The following SAMD12 variants were observed in gnomAD, a reference collection of about 807,000 sequenced individuals.
SAMD12 encodes the protein sterile alpha motif domain containing 12.
SAMD12 carries 9 observed loss-of-function variants against 15.0 expected under a neutral mutation model. The observed-to-expected ratio is 0.60, with a 90% CI of 0.36 to 1.05. The LOEUF (loss-of-function observed/expected upper bound fraction) is 1.05. Ranked by LOEUF, SAMD12 falls within the 50% of genes least tolerant of loss-of-function variation. SAMD12 has a pLI of 0.01. For missense variants in SAMD12, 230 were observed against 234.2 expected (o/e 0.98, Z 0.12); for synonymous variants, 86 against 90.1 (o/e 0.96, Z 0.25).
At chr8:118,486,658 G>C (rs928908150) in intron 2 of SAMD12, among the ~76,000 whole-genome samples, 1 of 152,114 alleles carries the variant, frequency 6.6e-6, no homozygotes, top group African/African-American at 2.4e-5. Context: ...TATGCACACA[G>C]AACTATAATA....
chr8:118,164,417 A>G, the SAMD12 span, among the ~76,000 whole-genome samples: 2 of 152,154 alleles, frequency 1.3e-5, no homozygotes, highest in Admixed American at 1.3e-4. Context: ...GTGTCATCCA[A>G]CACTAGTGCT....
At chr8:118,435,901 T>C (rs1822563524) in intron 3 of SAMD12, among the ~76,000 whole-genome samples, 1 of 152,144 alleles carries the variant, frequency 6.6e-6, no homozygotes, top group Non-Finnish European at 1.5e-5. Context: ...CAATTATAGA[T>C]CAGGAAGACT....
chr8:118,549,402 C>G (rs1033526023), intron 2 of SAMD12, among the ~76,000 whole-genome samples: 5 of 152,230 alleles, frequency 3.3e-5, no homozygotes, highest in Non-Finnish European at 5.9e-5. Flanking sequence ...GACACCGCTG[C>G]TGATAACCAG....
At chr8:118,499,426 A>AC (rs1344464420) in intron 2 of SAMD12, among the ~76,000 whole-genome samples, 1 of 152,204 alleles carries the variant, frequency 6.6e-6, no homozygotes, top group Non-Finnish European at 1.5e-5. Context: ...AGGACAATTA[A>AC]CCTGACCTAT....
At chr8:118,618,534 C>A (rs888692283) in intron 1 of SAMD12, among the ~76,000 whole-genome samples, 1 of 152,100 alleles carries the variant, frequency 6.6e-6, no homozygotes, top group Admixed American at 6.6e-5. Flanking sequence ...TAGAAGCCCT[C>A]TCCTTTATTT....
At chr8:118,615,055 G>A (rs1215494525) in intron 1 of SAMD12, among the ~76,000 whole-genome samples, 1 of 152,186 alleles carries the variant, frequency 6.6e-6, no homozygotes, top group Non-Finnish European at 1.5e-5. Context: ...GAGCCCTTAG[G>A]AAAAGGATTT....
chr8:118,162,616 G>C, the SAMD12 span, among the ~76,000 whole-genome samples: 6 of 152,090 alleles, frequency 3.9e-5, no homozygotes, highest in Non-Finnish European at 4.4e-5. Context: ...TTCTCAAGAG[G>C]CATGGGCTGC....
At chr8:118,457,221 T>TC (rs1160532665) in intron 2 of SAMD12, among the ~76,000 whole-genome samples, 3 of 105,738 alleles carry the variant, frequency 2.8e-5, no homozygotes, top group Non-Finnish European at 6.6e-5. Flanking sequence ...TCTCTCTCTC[T>TC]CTTTTTTTTT....
chr8:118,284,594 A>G (rs1259038035), intron 4 of SAMD12: 3 of 295,812 alleles, frequency 1.0e-5, no homozygotes, highest in South Asian at 5.9e-5. Context: ...GAGGTGACAT[A>G]TATACATACA....
chr8:118,490,972 C>A (rs987514797), intron 2 of SAMD12, among the ~76,000 whole-genome samples: 1 of 151,208 alleles, frequency 6.6e-6, no homozygotes, highest in African/African-American at 2.4e-5. Flanking sequence ...TGCTGGCAAG[C>A]AGCTCTGCTA....
intron 4 of SAMD12, among the ~76,000 whole-genome samples, chr8:118,227,393 A>G (rs1292426838): frequency 6.6e-6 from 1 of 152,134 alleles, no homozygotes; most frequent in Non-Finnish European, 1.5e-5. Flanking sequence ...GAGGGAAAGG[A>G]GCAGAAAAAA....
At position 118,205,277 on chromosome 8, in the gene SAMD12, A is replaced by G. The variant is rs553965762; in HGVS notation, c.434-7545T>C. Among the ~76,000 whole-genome samples the G allele has an allele frequency of 1.3e-4, 20 of 152,312 alleles. No homozygotes were observed. In the East Asian group the frequency reaches 2.9e-3, roughly 22 times the overall value. Reference sequence around the variant, plus strand: ...CCAATTCCTTATAATACATCTCTCTATACATATTTATGCATCTTATTAGTT... The same window carrying G: ...CCAATTCCTTATAATACATCTCTCTGTACATATTTATGCATCTTATTAGTT... On this transcript the variant is annotated intron_variant, in intron 4 of 4. Coordinates refer to the SAMD12 transcript ENST00000409003.
chr8:118,543,425 CAAAAACGCACCTT>C (rs1311041962), intron 2 of SAMD12, among the ~76,000 whole-genome samples: 2 of 152,116 alleles, frequency 1.3e-5, no homozygotes, highest in Non-Finnish European at 2.9e-5. Flanking sequence ...AGTGATCAAA[CAAAAACGCACCTT>C]TTAAAGCCAG....
intron 4 of SAMD12, among the ~76,000 whole-genome samples, chr8:118,339,516 C>G (rs1411889618): frequency 6.6e-6 from 1 of 152,162 alleles, no homozygotes; most frequent in East Asian, 1.9e-4. Context: ...AAAAATCAAG[C>G]AAAACTCTGG....
chr8:118,167,736 C>T, the SAMD12 span, among the ~76,000 whole-genome samples: 1 of 152,122 alleles, frequency 6.6e-6, no homozygotes, highest in African/African-American at 2.4e-5. Flanking sequence ...CCTGATTACC[C>T]ACCACCATCC....
At chr8:118,517,280 G>T (rs1825270225) in intron 2 of SAMD12, among the ~76,000 whole-genome samples, 1 of 152,172 alleles carries the variant, frequency 6.6e-6, no homozygotes, top group Non-Finnish European at 1.5e-5. Flanking sequence ...TTACATCAGT[G>T]CTCTGGGGTC....
intron 2 of SAMD12, among the ~76,000 whole-genome samples, chr8:118,457,747 T>C (rs1823302413): frequency 1.3e-5 from 2 of 152,088 alleles, no homozygotes. Flanking sequence ...AAGCTGGCTC[T>C]TATTATTAGA....
intron 3 of SAMD12, among the ~76,000 whole-genome samples, chr8:118,391,008 G>C (rs1001060237): frequency 6.6e-6 from 1 of 152,096 alleles, no homozygotes; most frequent in Non-Finnish European, 1.5e-5. Context: ...TTTTCAAACA[G>C]AAAATGTGAC....
At chr8:118,356,411 T>C (rs1018793484) in intron 4 of SAMD12, among the ~76,000 whole-genome samples, 2 of 152,294 alleles carry the variant, frequency 1.3e-5, no homozygotes, top group Non-Finnish European at 2.9e-5. Flanking sequence ...AGCTTTTCCC[T>C]CTCAAGCCCT....
Sources: allele counts gnomAD v4.1 joint callset (sites outside exome capture counted in the v4.1 genomes callset), GRCh38; gene constraint gnomAD v4.1.1; transcripts MANE v1.5; gene names NCBI Gene and HGNC (gene_info 2026-07-23, HGNC 2026-07-21).